The following VPS13B variants were observed in gnomAD, a reference collection of about 807,000 sequenced individuals.
VPS13B encodes the protein intermembrane lipid transfer protein VPS13B.
VPS13B carries 285 observed loss-of-function variants against 426.4 expected under a neutral mutation model. The ratio of observed to expected loss-of-function variants is 0.67; its 90% CI spans 0.61 to 0.74. The LOEUF is 0.74. Among genes scored for constraint, VPS13B ranks in the 30% least tolerant of loss-of-function variants. VPS13B has a pLI of 0.00. For missense variants in VPS13B, 4,537 were observed against 4,782.6 expected (o/e 0.95, Z 1.51); for synonymous variants, 1,676 against 1,676.4 (o/e 1.00, Z 0.01).
intron 34 of VPS13B, among the ~76,000 whole-genome samples, chr8:99,649,599 C>T (rs1829722919): frequency 6.6e-6 from 1 of 151,068 alleles, no homozygotes; most frequent in Non-Finnish European, 1.5e-5. Context: ...TGTGTCACTG[C>T]CACCACTGTA....
chr8:99,111,491 T>A (rs898360291), intron 6 of VPS13B, among the ~76,000 whole-genome samples: 2 of 152,036 alleles, frequency 1.3e-5, no homozygotes, highest in African/African-American at 4.8e-5. Flanking sequence ...GAGACAACTT[T>A]TTTCTGTAAT....
At chr8:99,092,471 G>A (rs1846202753) in intron 3 of VPS13B, among the ~76,000 whole-genome samples, 1 of 152,250 alleles carries the variant, frequency 6.6e-6, no homozygotes, top group Admixed American at 6.5e-5. Context: ...CGAAAACTGT[G>A]TAATGGTCCA....
chr8:99,829,359 G>C (rs1051850441), intron 51 of VPS13B, among the ~76,000 whole-genome samples: 1 of 152,134 alleles, frequency 6.6e-6, no homozygotes, highest in Non-Finnish European at 1.5e-5. Flanking sequence ...TTCGGTCTCT[G>C]ATATCCTTTC....
At chr8:99,308,161 T>C (rs1007945330) in intron 19 of VPS13B, among the ~76,000 whole-genome samples, 2 of 151,952 alleles carry the variant, frequency 1.3e-5, no homozygotes, top group Non-Finnish European at 2.9e-5. Context: ...ACTTTTTTTT[T>C]GTTTTATTTT....
chr8:99,365,168 TTTTC>T (rs1812786851), intron 19 of VPS13B, among the ~76,000 whole-genome samples: 1 of 151,906 alleles, frequency 6.6e-6, no homozygotes, highest in African/African-American at 2.4e-5. Context: ...ACCTTTTTTT[TTTTC>T]TTTATCTGGC....
chr8:99,156,499 C>A, intron 14 of VPS13B, 50 bp from the exon 15 acceptor site: 4 of 1,588,082 alleles, frequency 2.5e-6, no homozygotes, highest in Non-Finnish European at 3.5e-6. Context: ...AACTGCAACT[C>A]AGTCACTGCT....
intron 6 of VPS13B, among the ~76,000 whole-genome samples, chr8:99,115,204 C>G (rs1847592600): frequency 6.6e-6 from 1 of 151,992 alleles, no homozygotes; most frequent in Non-Finnish European, 1.5e-5. Context: ...TAATACTAGT[C>G]TTTTCCCCAG....
At chr8:99,141,097 CAATT>C (rs1479889382) in intron 12 of VPS13B, among the ~76,000 whole-genome samples, 1 of 152,000 alleles carries the variant, frequency 6.6e-6, no homozygotes, top group East Asian at 1.9e-4. Flanking sequence ...AAATCTGAAA[CAATT>C]AAGTTATTGA....
chr8:99,394,784 G>A (rs538872832), intron 21 of VPS13B, among the ~76,000 whole-genome samples: 1 of 152,124 alleles, frequency 6.6e-6, no homozygotes, highest in East Asian at 1.9e-4. Flanking sequence ...TACTTCTCAC[G>A]TCAACATAAT....
At chr8:99,345,508 A>T (rs1173502253) in intron 19 of VPS13B, among the ~76,000 whole-genome samples, 2 of 152,258 alleles carry the variant, frequency 1.3e-5, no homozygotes, top group East Asian at 3.9e-4. Context: ...ACACATTGTT[A>T]TATATTTTTT....
chr8:99,189,332 G>T (rs1303162282), intron 16 of VPS13B, among the ~76,000 whole-genome samples: 2 of 152,186 alleles, frequency 1.3e-5, no homozygotes, highest in African/African-American at 4.8e-5. Context: ...GGGTAGGAAG[G>T]ATAATAGAAA....
intron 19 of VPS13B, among the ~76,000 whole-genome samples, chr8:99,299,035 G>A (rs1820197764): frequency 6.7e-6 from 1 of 150,298 alleles, no homozygotes. Flanking sequence ...AGCGATCTTG[G>A]CCAAGTTATT....
intron 23 of VPS13B, among the ~76,000 whole-genome samples, chr8:99,445,672 G>A (rs1437688338): frequency 6.6e-6 from 1 of 151,374 alleles, no homozygotes; most frequent in Non-Finnish European, 1.5e-5. Flanking sequence ...TTTAGTTTTA[G>A]AAATATTAAG....
chr8:99,789,831 C>T (rs755317303), intron 43 of VPS13B, among the ~76,000 whole-genome samples: 20 of 151,938 alleles, frequency 1.3e-4, no homozygotes, highest in Non-Finnish European at 2.6e-4. Flanking sequence ...GTGATCATAA[C>T]AACACACAAG....
chr8:99,321,397 G>A (rs754869529), intron 19 of VPS13B, among the ~76,000 whole-genome samples: 6 of 151,848 alleles, frequency 4.0e-5, no homozygotes, highest in Non-Finnish European at 8.8e-5. Flanking sequence ...TTGTAGAGAC[G>A]GGGTTTCACT....
intron 30 of VPS13B, among the ~76,000 whole-genome samples, chr8:99,555,320 A>C (rs753173295): frequency 1.3e-5 from 2 of 152,202 alleles, no homozygotes; most frequent in South Asian, 4.2e-4. Flanking sequence ...CCAAGGCATA[A>C]ACTGAATCAG....
At chr8:99,715,067 C>T (rs1588648880) in intron 36 of VPS13B, among the ~76,000 whole-genome samples, 1 of 151,328 alleles carries the variant, frequency 6.6e-6, no homozygotes, top group African/African-American at 2.4e-5. Flanking sequence ...TTTATGTAGG[C>T]CCAAAGTTAT....
chr8:99,064,105 A>G (rs1001089457), intron 3 of VPS13B, among the ~76,000 whole-genome samples: 2 of 152,214 alleles, frequency 1.3e-5, no homozygotes, highest in African/African-American at 4.8e-5. Context: ...TCTGTAGGTC[A>G]CCAACATCAA....
chr8:99,715,180 C>T (rs1033532589), intron 36 of VPS13B, among the ~76,000 whole-genome samples: 5 of 151,086 alleles, frequency 3.3e-5, no homozygotes, highest in South Asian at 2.1e-4. Context: ...TGGTAAAAAA[C>T]GAAACCAAAG....
Sources: allele counts gnomAD v4.1 joint callset (sites outside exome capture counted in the v4.1 genomes callset), GRCh38; gene constraint gnomAD v4.1.1; transcripts MANE v1.5; gene names NCBI Gene and HGNC (gene_info 2026-07-23, HGNC 2026-07-21).